SACS: variants seen among roughly 807,000 people sequenced by gnomAD.
SACS encodes sacsin.
In SACS, 197 loss-of-function variants were observed where a neutral mutation model predicts 348.0. The observed-to-expected ratio is 0.57, with a 90% CI of 0.50 to 0.64. The LOEUF (loss-of-function observed/expected upper bound fraction) is 0.64. Ranked by LOEUF, SACS falls within the 30% of genes least tolerant of loss-of-function variation. The pLI is 0.00. For synonymous variants in SACS, 1,985 were observed against 1,910.6 expected (o/e 1.04, Z -1.02); for missense variants, 4,999 against 5,360.8 (o/e 0.93, Z 2.11).
rs770422204 is a variant in SACS at position 23,334,243 on chromosome 13, A to T, written c.9633T>A (p.Ile3211=). ...AGGATAACAAATCAGCAAAGCTGGAAATGTCAAACACTTTTGCAACTTTAC... is the reference window on the plus strand; with the variant it reads ...AGGATAACAAATCAGCAAAGCTGGATATGTCAAACACTTTTGCAACTTTAC... ...LNCKVAKVFD[I]SSFADLLSSV... The change falls in exon 10 of 10, where the codon ATT becomes ATA. Residue 3211 remains isoleucine (I), a synonymous_variant. Coordinates refer to ENST00000382292, the MANE Select transcript of SACS (RefSeq NM_014363.6). The T allele has an allele frequency of 6.2e-7, 1 of 1,613,516 alleles. No individual in the cohort carries two copies. Among genetic ancestry groups the T allele is most frequent in the Non-Finnish European group, 8.5e-7 (1 of 1,179,668 alleles).
Position 23,332,887 on chromosome 13 carries a change from G to C in SACS, c.10989C>G (p.Phe3663Leu). The C allele has an allele frequency of 6.2e-7, 1 of 1,613,904 alleles. No homozygotes were observed. Among genetic ancestry groups the C allele is most frequent in the Middle Eastern group, 1.6e-4 (1 of 6,062 alleles). Residue 3663 changes from phenylalanine to leucine, a missense_variant, in exon 10 of 10, where the codon TTC becomes TTG. Transcript: ENST00000382292. The stretch of plus-strand genomic sequence containing the variant: ...CTTGATATTGAGGATGAAATCTAAT[G>C]AATTCCGCGGGGGCCCGCTCAGGAC... ...FLCPERAPAE[F>L]IRFHPQYQEV...
chr13:23,375,288 C>A lies in SACS; in HGVS notation c.21-19G>T. The A allele has an allele frequency of 7.0e-7, 1 of 1,431,428 alleles. No homozygotes were observed. The highest frequency in any genetic ancestry group is 9.2e-7 in the Non-Finnish European group (1 of 1,084,310). The allele number at this position is 1,431,428 out of a possible 1,614,324, so 88.7% of individuals were successfully genotyped here. On this transcript the variant is annotated intron_variant, in intron 2 of 9. Transcript: ENST00000382292. ...GACCCACCTGTGGAAAGCAGAGGGA[C>A]GCTCAGTCGGGCTGCGGCTGCCACC...
intron 1 of SACS, among the ~76,000 whole-genome samples, chr13:23,422,329 T>C: frequency 6.6e-6 from 1 of 152,150 alleles, no homozygotes; most frequent in East Asian, 1.9e-4. Context: ...ATGTAACCTG[T>C]GTTTTTATTA....
chr13:23,355,752 T>G lies in SACS; in HGVS notation c.860A>C (p.Tyr287Ser). 6.2e-7 allele frequency: 1 copy of G among 1,614,216 alleles called. No individual in the cohort carries two copies. The highest frequency in any genetic ancestry group is 8.5e-7 in the Non-Finnish European group (1 of 1,180,048). ...LQPSQLSSNL[Y>S]NKQKVLELFE... ...CAACTCAAGAACCTTCTGCTTATTG[T>G]AGAGGTTACTACTAAGTTGTGAAGG... The change falls in exon 8 of 10, where the codon TAC becomes TCC. Residue 287 changes from tyrosine (Y) to serine (S), a missense_variant. Coordinates refer to ENST00000382292, the MANE Select transcript of SACS (RefSeq NM_014363.6).
chr13:23,355,515 T>C lies in SACS; in HGVS notation c.1097A>G (p.Asn366Ser), dbSNP rs374230107. ...ISNYCKKTPS[N>S]NITCVTYHVN... is the part of the protein sequence containing the mutation. ...GTGATATGTTACACAGGTGATGTTATTGCTTGGAGTCTTTTTACAATAGTT... is the reference window on the plus strand; with the variant it reads ...GTGATATGTTACACAGGTGATGTTACTGCTTGGAGTCTTTTTACAATAGTT... Residue 366 changes from asparagine (N) to serine (S), a missense_variant, in exon 8 of 10, where the codon AAT (asparagine) becomes AGT (serine). Asn to Ser is a conservative substitution (Grantham distance 46). This residue lies in a region of SACS where 3,156 missense variants were observed against 3,380.1 expected (regional missense o/e 0.93). Transcript: ENST00000382292. The C allele has an allele frequency of 4.3e-6, 7 of 1,614,062 alleles. No homozygotes were observed. The highest frequency in any genetic ancestry group is 1.3e-5 in the African/African-American group (1 of 74,928).
At position 23,334,836 on chromosome 13, in the gene SACS, A is replaced by T; in HGVS notation, c.9040T>A (p.Trp3014Arg). ...SDLHSAVIITWINMSTSNKTR... is the reference protein window; with the variant it reads ...SDLHSAVIITRINMSTSNKTR... ...TTATTAGAAGTAGACATATTGATCC[A>T]AGTAATTATAACTGCAGAGTGCAAG... is the stretch of plus-strand genomic sequence containing the variant. The change falls in exon 10 of 10, where the codon TGG becomes AGG. Residue 3014 changes from tryptophan to arginine, a missense_variant. Trp to Arg is a moderately radical substitution (Grantham distance 101). This residue lies in a region of SACS where 734 missense variants were observed against 694.0 expected (regional missense o/e 1.06). Coordinates refer to ENST00000382292, the MANE Select transcript of SACS (RefSeq NM_014363.6). 6.2e-7 allele frequency: 1 copy of T among 1,613,896 alleles called. No individual in the cohort carries two copies. Among genetic ancestry groups the T allele is most frequent in the Non-Finnish European group, 8.5e-7 (1 of 1,179,842 alleles).
chr13:23,426,556 C>T (rs1256176112), intron 1 of SACS, among the ~76,000 whole-genome samples: 3 of 150,752 alleles, frequency 2.0e-5, no homozygotes, highest in African/African-American at 7.3e-5. Context: ...GGAAGAATTG[C>T]TTGAACTCGG....
intron 6 of SACS, among the ~76,000 whole-genome samples, chr13:23,364,482 C>A (rs534301325): frequency 3.9e-5 from 6 of 152,224 alleles, no homozygotes; most frequent in African/African-American, 1.4e-4. Context: ...GGTTTTGCCA[C>A]GTTCGCCAGG....
intron 2 of SACS, among the ~76,000 whole-genome samples, chr13:23,385,016 C>T (rs1014008894): frequency 1.3e-5 from 2 of 152,040 alleles, no homozygotes; most frequent in African/African-American, 4.8e-5. Context: ...AATCCCAGGA[C>T]TTTGGGAGGC....
intron 2 of SACS, among the ~76,000 whole-genome samples, chr13:23,388,462 T>G (rs28800915): frequency 7.1e-6 from 1 of 140,618 alleles, no homozygotes; most frequent in Non-Finnish European, 1.5e-5. Context: ...AAAATATATA[T>G]AAAATATAAA....
At chr13:23,379,210 A>G (rs1283481027) in intron 2 of SACS, among the ~76,000 whole-genome samples, 1 of 152,216 alleles carries the variant, frequency 6.6e-6, no homozygotes, top group Non-Finnish European at 1.5e-5. Flanking sequence ...ACAGCTGGAC[A>G]TGGTGCCACC....
intron 2 of SACS, among the ~76,000 whole-genome samples, chr13:23,382,162 T>C (rs761982270): frequency 6.6e-6 from 1 of 152,228 alleles, no homozygotes; most frequent in Non-Finnish European, 1.5e-5. Context: ...TTTTGTTTTT[T>C]GTTTTTTTTG....
intron 3 of SACS, among the ~76,000 whole-genome samples, chr13:23,372,783 C>T (rs1871477037): frequency 6.6e-6 from 1 of 152,282 alleles, no homozygotes; most frequent in Non-Finnish European, 1.5e-5. Flanking sequence ...AGCTTGCCAA[C>T]GTCCTTGGCA....
chr13:23,350,870 C>A (rs1393308487), intron 9 of SACS, among the ~76,000 whole-genome samples: 2 of 152,198 alleles, frequency 1.3e-5, no homozygotes, highest in African/African-American at 2.4e-5. Flanking sequence ...GAAAAAGCAT[C>A]TGCACATGCT....
In SACS at chr13:23,341,327, A is replaced by G; in HGVS notation, c.2549T>C (p.Phe850Ser). 6.2e-7 allele frequency: 1 copy of G among 1,606,376 alleles called. No individual in the cohort carries two copies. Among genetic ancestry groups the G allele is most frequent in the Non-Finnish European group, 8.5e-7 (1 of 1,175,792 alleles). Residue 850 changes from phenylalanine (F) to serine (S), a missense_variant, in exon 10 of 10, where the codon TTT (phenylalanine) becomes TCT (serine). Phe to Ser is a radical substitution (Grantham distance 155, BLOSUM62 -2). Transcript: ENST00000382292. ...LADIVQKLGG[F>S]VLKKLDASIQ... is the part of the protein sequence containing the mutation. ...AGATGCATCTAATTTTTTAAGGACAAACCCTCCAAGTTTTTGTACAATGTC... is the reference window on the plus strand; with the variant it reads ...AGATGCATCTAATTTTTTAAGGACAGACCCTCCAAGTTTTTGTACAATGTC...
rs368944813 is a variant in SACS at position 23,354,705 on chromosome 13, C to T, written c.1907G>A (p.Arg636Gln). The T allele has an allele frequency of 8.7e-6, 14 of 1,613,768 alleles. No homozygotes were observed. Among genetic ancestry groups the T allele is most frequent in the Middle Eastern group, 1.6e-4 (1 of 6,084 alleles). ...VTPAWVRQVL[R>Q]KCAHLGCAEE... is the part of the protein sequence containing the mutation. The stretch of plus-strand genomic sequence containing the variant: ...AGCACAGCCCAGGTGTGCACACTTC[C>T]GCAGCACCTGCCGCACCCACGCGGG... Residue 636 changes from arginine (R) to glutamine (Q), a missense_variant, in exon 8 of 10, where the codon CGG becomes CAG. Physicochemically the swap from Arg to Gln is conservative, Grantham distance 43. Around this residue, in one of 6 missense-constraint regions of SACS, gnomAD observed 3,156 missense variants for 3,380.1 expected, o/e 0.93. Transcript: ENST00000382292.
intron 2 of SACS, among the ~76,000 whole-genome samples, chr13:23,380,030 C>A (rs760772724): frequency 6.6e-6 from 1 of 152,054 alleles, no homozygotes; most frequent in Non-Finnish European, 1.5e-5. Context: ...CACATGACAT[C>A]GTTGATTCTT....
At chr13:23,424,205 C>T (rs563520733) in intron 1 of SACS, among the ~76,000 whole-genome samples, 8 of 152,118 alleles carry the variant, frequency 5.3e-5, no homozygotes, top group Non-Finnish European at 8.8e-5. Flanking sequence ...ATACAATTTC[C>T]AAACATATGT....
chr13:23,399,037 A>AAAAAAAC (rs55848856), intron 2 of SACS, among the ~76,000 whole-genome samples: 8 of 149,734 alleles, frequency 5.3e-5, no homozygotes, highest in African/African-American at 2.0e-4. Flanking sequence ...AAAAAAAAAA[A>AAAAAAAC]CATGGATGCC....
Sources: allele counts gnomAD v4.1 joint callset (sites outside exome capture counted in the v4.1 genomes callset), GRCh38; gene constraint gnomAD v4.1.1; regional missense constraint gnomAD v4.1.1; transcripts MANE v1.5; gene names NCBI Gene and HGNC (gene_info 2026-07-23, HGNC 2026-07-21).